Variants in AUTS2 observed in about 807,000 individuals in gnomAD.
AUTS2 encodes activator of transcription and developmental regulator AUTS2, also known as autism susceptibility gene 2 protein.
A neutral mutation model predicts 112.4 loss-of-function variants in AUTS2; 17 were observed. That is an observed-to-expected ratio of 0.15 (90% confidence interval 0.10 to 0.23). AUTS2 has a LOEUF of 0.23. AUTS2 is among the 10% of genes least tolerant of loss of function. The probability of loss-of-function intolerance (pLI) is 1.00; values close to 1 mark genes in which losing one functional copy is unlikely to be tolerated. For missense variants in AUTS2, 1,510 were observed against 1,701.6 expected (o/e 0.89, Z 1.98); for synonymous variants, 751 against 702.7 (o/e 1.07, Z -1.09).
chr7:70,230,759 C>G (rs896718302), intron 4 of AUTS2, among the ~76,000 whole-genome samples: 7 of 152,220 alleles, frequency 4.6e-5, no homozygotes, highest in African/African-American at 1.7e-4. Context: ...TTCTGACTGG[C>G]CTACTGGTTT....
At chr7:70,270,926 C>G (rs980399275) in intron 4 of AUTS2, among the ~76,000 whole-genome samples, 2 of 152,134 alleles carry the variant, frequency 1.3e-5, no homozygotes, top group Admixed American at 1.3e-4. Context: ...TGACTGAAGA[C>G]AGAAGTCCTT....
chr7:70,267,189 G>T (rs1787470482), intron 4 of AUTS2, among the ~76,000 whole-genome samples: 1 of 151,798 alleles, frequency 6.6e-6, no homozygotes, highest in African/African-American at 2.4e-5. Context: ...GTAGCAAATT[G>T]CATTATGAAA....
intron 1 of AUTS2, among the ~76,000 whole-genome samples, chr7:69,877,613 C>T (rs1050749182): frequency 2.6e-5 from 4 of 152,098 alleles, no homozygotes; most frequent in African/African-American, 9.7e-5. Context: ...TGCCTCCTCC[C>T]TCCCACTTCT....
intron 4 of AUTS2, 29 bp downstream of exon 4, chr7:70,134,600 G>A (rs1434683035): frequency 1.2e-6 from 2 of 1,608,284 alleles, no homozygotes; most frequent in Middle Eastern, 1.6e-4. Flanking sequence ...CCACATATGT[G>A]CCTTGCATTG....
At chr7:70,048,540 C>A (rs954908841) in intron 2 of AUTS2, among the ~76,000 whole-genome samples, 3 of 152,152 alleles carry the variant, frequency 2.0e-5, no homozygotes, top group Non-Finnish European at 4.4e-5. Flanking sequence ...TTTTTACATC[C>A]CCAACCTCAA....
At chr7:69,801,829 A>T (rs1790098237) in intron 1 of AUTS2, among the ~76,000 whole-genome samples, 1 of 152,216 alleles carries the variant, frequency 6.6e-6, no homozygotes, top group African/African-American at 2.4e-5. Flanking sequence ...GAAACGTCTA[A>T]TATCTAGAGT....
intron 1 of AUTS2, among the ~76,000 whole-genome samples, chr7:69,863,784 C>T (rs577613849): frequency 1.3e-5 from 2 of 152,272 alleles, no homozygotes; most frequent in Admixed American, 6.5e-5. Flanking sequence ...GTGTGCCCCT[C>T]CACACCTGAG....
chr7:70,517,587 A>AAT (rs1799469020), intron 5 of AUTS2, among the ~76,000 whole-genome samples: 1 of 148,474 alleles, frequency 6.7e-6, no homozygotes, highest in Non-Finnish European at 1.5e-5. Context: ...TTGCATATAT[A>AAT]ATATATATTA....
At chr7:70,562,558 C>T (rs1449487803) in intron 5 of AUTS2, among the ~76,000 whole-genome samples, 4 of 152,154 alleles carry the variant, frequency 2.6e-5, no homozygotes, top group Admixed American at 1.3e-4. Flanking sequence ...CATTTACATA[C>T]CTCTAGGATA....
intron 1 of AUTS2, among the ~76,000 whole-genome samples, chr7:69,700,643 A>G (rs1004983565): frequency 2.0e-5 from 3 of 152,198 alleles, no homozygotes; most frequent in South Asian, 4.1e-4. Flanking sequence ...CCCATCTTCC[A>G]TTATTCTTCT....
At chr7:69,823,116 C>A (rs1791070438) in intron 1 of AUTS2, among the ~76,000 whole-genome samples, 1 of 152,142 alleles carries the variant, frequency 6.6e-6, no homozygotes. Context: ...GAAGGCAGAA[C>A]TGTAAAAAAA....
intron 4 of AUTS2, among the ~76,000 whole-genome samples, chr7:70,380,022 C>A (rs1243550032): frequency 6.6e-6 from 1 of 152,198 alleles, no homozygotes; most frequent in Non-Finnish European, 1.5e-5. Context: ...GGTGAGGATG[C>A]ATCATGTACA....
chr7:69,882,099 G>A (rs1303478670), intron 1 of AUTS2, among the ~76,000 whole-genome samples: 1 of 134,126 alleles, frequency 7.5e-6, no homozygotes, highest in African/African-American at 2.8e-5. Flanking sequence ...GTAGTGAGCT[G>A]AAATCAGGCC....
intron 6 of AUTS2, among the ~76,000 whole-genome samples, chr7:70,699,945 G>GCCCCCCAGGACCTCTGCCA (rs200397630): frequency 0.013 from 2,038 of 152,166 alleles, 40 homozygotes; most frequent in African/African-American, 0.047. Context: ...CGTTTCTGCA[G>GCCCCCCAGGACCTCTGCCA]CCCCCCAGGA....
chr7:70,707,073 T>C (rs1313349496), intron 6 of AUTS2, among the ~76,000 whole-genome samples: 1 of 152,216 alleles, frequency 6.6e-6, no homozygotes, highest in East Asian at 1.9e-4. Context: ...GCTGTGAGGA[T>C]GAAACGAGGC....
intron 5 of AUTS2, among the ~76,000 whole-genome samples, chr7:70,677,341 G>T (rs1807967734): frequency 6.6e-6 from 1 of 152,134 alleles, no homozygotes; most frequent in African/African-American, 2.4e-5. Flanking sequence ...TTCTGACCGT[G>T]GCTAGGCTTT....
In AUTS2 at chr7:69,841,011, C is replaced by A. The variant is rs185365171; in HGVS notation, c.310-58275C>A. ...ATTACCAGCAAAGGGGAAAGTATACCCTTAACAATGGCGGTCACCACCTTA... is the reference window on the plus strand; with the variant it reads ...ATTACCAGCAAAGGGGAAAGTATACACTTAACAATGGCGGTCACCACCTTA... On this transcript the variant is annotated intron_variant, in intron 1 of 18. Coordinates refer to ENST00000342771, the MANE Select transcript of AUTS2 (RefSeq NM_015570.4). Among the ~76,000 whole-genome samples, 194 of 152,192 alleles carry A rather than the reference C, an allele frequency of 1.3e-3. 1 individual carries two copies. The highest frequency in any genetic ancestry group is 0.012 in the East Asian group (62 of 5,176).
chr7:70,242,762 TAC>T (rs1463724169), intron 4 of AUTS2, among the ~76,000 whole-genome samples: 1 of 152,122 alleles, frequency 6.6e-6, no homozygotes, highest in Non-Finnish European at 1.5e-5. Context: ...TATCTTAAAG[TAC>T]AGTTTTCAAA....
chr7:70,478,067 A>G (rs772940956), intron 5 of AUTS2, among the ~76,000 whole-genome samples: 1 of 152,144 alleles, frequency 6.6e-6, no homozygotes, highest in Non-Finnish European at 1.5e-5. Flanking sequence ...CACACCTATT[A>G]GTTGAAAGGA....
Sources: gnomAD v4.1 joint callset for allele counts (sites outside exome capture counted in the v4.1 genomes callset) on GRCh38, gnomAD v4.1.1 for gene constraint, MANE v1.5 for transcripts, NCBI Gene and HGNC (gene_info 2026-07-23, HGNC 2026-07-21) for gene names.